KIFAP3: variants seen among roughly 807,000 people sequenced by gnomAD.
KIFAP3 encodes the protein kinesin associated protein 3.
A neutral mutation model predicts 106.5 loss-of-function variants in KIFAP3; 68 were observed. That is an observed-to-expected ratio of 0.64 (90% CI 0.53 to 0.78). The LOEUF is 0.78. KIFAP3 is among the 30% of genes least tolerant of loss of function. The pLI, the probability that KIFAP3 is intolerant of heterozygous loss-of-function variation, is 0.00. For synonymous variants in KIFAP3, 320 were observed against 311.5 expected (o/e 1.03, Z -0.29); for missense variants, 780 against 941.8 (o/e 0.83, Z 2.25).
At chr1:170,066,175 A>C (rs1671435382) in intron 1 of KIFAP3, among the ~76,000 whole-genome samples, 6 of 133,006 alleles carry the variant, frequency 4.5e-5, no homozygotes, top group Admixed American at 1.5e-4. Context: ...TATTGCCTAC[A>C]CCCCCCCCCC....
intron 1 of KIFAP3, among the ~76,000 whole-genome samples, chr1:170,083,440 G>A (rs907727550): frequency 6.6e-6 from 1 of 152,162 alleles, no homozygotes; most frequent in Non-Finnish European, 1.5e-5. Context: ...AATTCTTCTG[G>A]AGTAAGAACT....
chr1:170,069,902 T>A (rs1457321037), intron 1 of KIFAP3, among the ~76,000 whole-genome samples: 1 of 151,802 alleles, frequency 6.6e-6, no homozygotes, highest in Non-Finnish European at 1.5e-5. Context: ...GCAGAAGACA[T>A]AATCTTATAT....
intron 11 of KIFAP3, chr1:169,989,939 A>G: frequency 9.6e-7 from 1 of 1,044,804 alleles, no homozygotes; most frequent in East Asian, 3.3e-5. Context: ...GCATTTAATA[A>G]TTCTTTTTAG....
At chr1:169,997,469 G>A (rs906025130) in intron 10 of KIFAP3, among the ~76,000 whole-genome samples, 1 of 152,066 alleles carries the variant, frequency 6.6e-6, no homozygotes, top group Admixed American at 6.6e-5. Flanking sequence ...AGTAAAGTAA[G>A]TTGGAGAGGC....
chr1:169,992,169 C>A lies in KIFAP3; in HGVS notation c.1270G>T (p.Asp424Tyr). Residue 424 changes from aspartate to tyrosine, a missense_variant, in exon 11 of 20, where the codon GAC becomes TAC. Asp to Tyr is a radical substitution (Grantham distance 160). Transcript: ENST00000361580. ...AAACCACTTACCTGTGGTATACAGTCAGTGTATGCAAACATTGATTTAAAG... is the reference window on the plus strand; with the variant it reads ...AAACCACTTACCTGTGGTATACAGTAAGTGTATGCAAACATTGATTTAAAG... ...DRFKSMFAYT[D>Y]CIPQLMKMLF... 3.3e-6 allele frequency: 5 copies of A among 1,522,372 alleles called. No homozygotes were observed. The highest frequency in any genetic ancestry group is 4.4e-6 in the Non-Finnish European group (5 of 1,126,978). The allele number at this position is 1,522,372 out of a possible 1,614,324, so 94.3% of individuals were successfully genotyped here.
At chr1:170,007,287 G>C (rs1668013338) in intron 10 of KIFAP3, among the ~76,000 whole-genome samples, 1 of 151,668 alleles carries the variant, frequency 6.6e-6, no homozygotes, top group Non-Finnish European at 1.5e-5. Flanking sequence ...GGAGAGAATA[G>C]AAGGAAGTGG....
chr1:169,948,909 A>T (rs145638961), intron 19 of KIFAP3, among the ~76,000 whole-genome samples: 4,027 of 152,108 alleles, frequency 0.026, 100 homozygotes, highest in South Asian at 0.092. Flanking sequence ...TGTAATTTTG[A>T]GGTTGCTTTC....
At chr1:169,934,533 A>G (rs542589165) in intron 19 of KIFAP3, among the ~76,000 whole-genome samples, 3 of 152,122 alleles carry the variant, frequency 2.0e-5, no homozygotes, top group Non-Finnish European at 4.4e-5. Context: ...ACGCATTCCT[A>G]TACTCAGGTT....
chr1:170,020,246 C>T (rs1190114633), intron 9 of KIFAP3, among the ~76,000 whole-genome samples: 1 of 152,020 alleles, frequency 6.6e-6, no homozygotes, highest in Non-Finnish European at 1.5e-5. Context: ...AATGCAACCC[C>T]AATGATTTTA....
intron 17 of KIFAP3, among the ~76,000 whole-genome samples, chr1:169,961,612 C>T (rs1304748951): frequency 6.6e-6 from 1 of 152,062 alleles, no homozygotes; most frequent in African/African-American, 2.4e-5. Flanking sequence ...CACAGGTCCA[C>T]TTATACACGG....
At chr1:169,926,001 C>T (rs1372786211) in intron 19 of KIFAP3, among the ~76,000 whole-genome samples, 1 of 152,108 alleles carries the variant, frequency 6.6e-6, no homozygotes, top group Non-Finnish European at 1.5e-5. Context: ...AGAATAAATG[C>T]AGGCCAAATT....
chr1:169,970,327 C>T (rs1424550664), intron 17 of KIFAP3, among the ~76,000 whole-genome samples: 2 of 152,006 alleles, frequency 1.3e-5, no homozygotes, highest in Admixed American at 1.3e-4. Context: ...TGATGTAATC[C>T]TCCTTGGTAT....
intron 10 of KIFAP3, among the ~76,000 whole-genome samples, chr1:169,999,263 G>A (rs1053911608): frequency 6.6e-6 from 1 of 152,136 alleles, no homozygotes; most frequent in Admixed American, 6.6e-5. Flanking sequence ...ATGAGGATTG[G>A]AGGGTATGAT....
At chr1:169,958,615 A>G (rs1032062641) in intron 18 of KIFAP3, among the ~76,000 whole-genome samples, 3 of 152,200 alleles carry the variant, frequency 2.0e-5, no homozygotes, top group African/African-American at 7.2e-5. Context: ...GTTTTTTACA[A>G]TATTCCTGAG....
At chr1:169,983,015 A>C in intron 13 of KIFAP3, 148 bp from the exon 14 acceptor site, 1 of 592,320 alleles carries the variant, frequency 1.7e-6, no homozygotes. Context: ...TAAATTGCTA[A>C]AGAAGCCTAT....
intron 2 of KIFAP3, among the ~76,000 whole-genome samples, chr1:170,047,919 A>AT (rs1670346316): frequency 6.6e-6 from 1 of 152,238 alleles, no homozygotes; most frequent in Non-Finnish European, 1.5e-5. Context: ...ACTGTCAAGC[A>AT]AATGCTCCCA....
At chr1:170,051,449 A>G (rs1448821264) in intron 2 of KIFAP3, among the ~76,000 whole-genome samples, 1 of 152,220 alleles carries the variant, frequency 6.6e-6, no homozygotes, top group Non-Finnish European at 1.5e-5. Context: ...ACAGAAAATT[A>G]ACAAGGATAT....
At chr1:169,957,983 T>G (rs1426317433) in intron 18 of KIFAP3, 1 of 152,164 alleles carries the variant, frequency 6.6e-6, no homozygotes, top group African/African-American at 2.4e-5. Flanking sequence ...CAGGTTGGAG[T>G]GCAGTGGCTG....
At chr1:169,922,423 A>G (rs1662878715) in intron 19 of KIFAP3, among the ~76,000 whole-genome samples, 1 of 152,226 alleles carries the variant, frequency 6.6e-6, no homozygotes, top group South Asian at 2.1e-4. Flanking sequence ...TGACAGCAAG[A>G]CAATTACAAA....
Sources: gnomAD v4.1 joint callset for allele counts (sites outside exome capture counted in the v4.1 genomes callset) on GRCh38, gnomAD v4.1.1 for gene constraint, MANE v1.5 for transcripts, NCBI Gene and HGNC (gene_info 2026-07-23, HGNC 2026-07-21) for gene names.